Variants in KLHL8 observed in about 807,000 individuals in gnomAD.
KLHL8 encodes the protein kelch-like protein 8.
KLHL8 carries 38 observed loss-of-function variants against 63.5 expected under a neutral mutation model. The observed-to-expected ratio is 0.60, with a 90% CI of 0.46 to 0.78. KLHL8 has a LOEUF of 0.78. Ranked by LOEUF, KLHL8 falls within the 30% of genes least tolerant of loss-of-function variation. The pLI is 0.00. For missense variants in KLHL8, 566 were observed against 752.4 expected, an observed-to-expected ratio of 0.75 and a Z score of 2.90; for synonymous variants, 224 against 254.3, an observed-to-expected ratio of 0.88 and a Z score of 1.13.
At chr4:87,236,649 TATCTGTACTGTGTC>T (rs1733235615) in intron 1 of KLHL8, among the ~76,000 whole-genome samples, 2 of 150,260 alleles carry the variant, frequency 1.3e-5, no homozygotes, top group Non-Finnish European at 3.0e-5. Flanking sequence ...TCATTTAATT[TATCTGTACTGTGTC>T]TTTTTTTTTT....
intron 6 of KLHL8, among the ~76,000 whole-genome samples, chr4:87,173,215 C>A (rs762415705): frequency 6.6e-6 from 1 of 152,164 alleles, no homozygotes; most frequent in Non-Finnish European, 1.5e-5. Context: ...AATGGGACTT[C>A]ATTAAGATGT....
Position 87,189,873 on chromosome 4 carries a change from CA to C in KLHL8, c.217-4075del, listed in dbSNP as rs200198869. Among the ~76,000 whole-genome samples, 878 of 142,212 alleles carry C rather than the reference CA, an allele frequency of 6.2e-3. 7 individuals are homozygous for C. Among genetic ancestry groups the C allele is most frequent in the African/African-American group, 0.021 (801 of 39,034 alleles). 93.3% of individuals were successfully genotyped at this position (142,212 alleles called of 152,430 possible). A position where few individuals can be genotyped will look rare whatever the true frequency, so the allele number is the denominator to read the frequency against. On this transcript the variant is annotated intron_variant, in intron 2 of 9. Transcript: ENST00000273963. ...TGAAACCCCGTCTATACTGAAAATA[CA>C]AAAAAAAAAATTAGCCGGGCATGGT...
At chr4:87,224,240 G>A (rs538510550), upstream of KLHL8, among the ~76,000 whole-genome samples, 6 of 152,028 alleles carry the variant, frequency 3.9e-5, no homozygotes. Context: ...ATGAGCCACC[G>A]CGCCGGCCAA....
At chr4:87,217,263 C>A (rs1385944032) in intron 1 of KLHL8, among the ~76,000 whole-genome samples, 1 of 150,788 alleles carries the variant, frequency 6.6e-6, no homozygotes, top group Non-Finnish European at 1.5e-5. Flanking sequence ...AAGACATAGT[C>A]AAGTGAATTT....
chr4:87,237,007 C>T (rs545486907), intron 1 of KLHL8, among the ~76,000 whole-genome samples: 69 of 152,300 alleles, frequency 4.5e-4, no homozygotes, highest in Non-Finnish European at 6.2e-4. Flanking sequence ...ATCTCAAACA[C>T]TTTGACAGCG....
intron 1 of KLHL8, among the ~76,000 whole-genome samples, chr4:87,226,317 C>G (rs1421747641): frequency 3.9e-4 from 60 of 151,986 alleles, no homozygotes; most frequent in Non-Finnish European, 1.5e-5. Context: ...AATCCCAGCA[C>G]TTTGGGAAGC....
intron 2 of KLHL8, among the ~76,000 whole-genome samples, chr4:87,187,962 A>G (rs1452137762): frequency 6.6e-6 from 1 of 152,230 alleles, no homozygotes; most frequent in Non-Finnish European, 1.5e-5. Context: ...AAATGTATAA[A>G]TGGTTTTGCT....
chr4:87,168,720 A>G (rs113326519), intron 8 of KLHL8, among the ~76,000 whole-genome samples: 16 of 140,888 alleles, frequency 1.1e-4, no homozygotes, highest in African/African-American at 4.1e-4. Flanking sequence ...GTATATATAT[A>G]CGTATATATA....
At chr4:87,195,223 A>C in intron 2 of KLHL8, 101 bp downstream of exon 2, 1 of 812,572 alleles carries the variant, frequency 1.2e-6, no homozygotes. Flanking sequence ...ACTGTATCAA[A>C]TATGTATAGC....
At chr4:87,217,233 T>C (rs1248023667) in intron 1 of KLHL8, among the ~76,000 whole-genome samples, 1 of 129,166 alleles carries the variant, frequency 7.7e-6, no homozygotes, top group East Asian at 2.2e-4. Context: ...ATATAAACCA[T>C]TTTGTTCAGA....
intron 1 of KLHL8, among the ~76,000 whole-genome samples, chr4:87,226,998 A>C (rs1167878572): frequency 6.4e-5 from 6 of 93,074 alleles, no homozygotes; most frequent in African/African-American, 2.3e-4. Context: ...TATATAAATA[A>C]TATATATTAT....
chr4:87,207,677 A>T, intron 1 of KLHL8: 1 of 1,063,510 alleles, frequency 9.4e-7, no homozygotes, highest in Admixed American at 1.8e-5. Context: ...CTGTGGCGTG[A>T]CAGCTGCAGG....
chr4:87,216,160 G>T (rs1245181903), intron 1 of KLHL8, among the ~76,000 whole-genome samples: 7 of 152,184 alleles, frequency 4.6e-5, no homozygotes, highest in Admixed American at 4.6e-4. Flanking sequence ...GGGTGGGGAA[G>T]AAGAGAGGAG....
At chr4:87,234,416 A>G (rs7687666) in intron 1 of KLHL8, among the ~76,000 whole-genome samples, 103,732 of 150,290 alleles carry the variant, frequency 0.69, 36,474 homozygotes, top group East Asian at 0.85. Flanking sequence ...TCAGCCTGGC[A>G]ACAGAGTGAG....
At chr4:87,193,528 TC>T (rs1358914708) in intron 2 of KLHL8, among the ~76,000 whole-genome samples, 24 of 152,212 alleles carry the variant, frequency 1.6e-4, no homozygotes, top group African/African-American at 5.8e-4. Flanking sequence ...GCAATTTTTT[TC>T]TTTTTTTATG....
At chr4:87,164,135 A>G in intron 8 of KLHL8, 56 bp from the exon 9 acceptor site, 1 of 1,413,206 alleles carries the variant, frequency 7.1e-7, no homozygotes, top group Non-Finnish European at 9.9e-7. Flanking sequence ...TTAACTACTA[A>G]ATTTCAATTC....
At chr4:87,207,808 G>T in intron 1 of KLHL8, 2 of 1,033,302 alleles carry the variant, frequency 1.9e-6, no homozygotes, top group Non-Finnish European at 3.0e-6. Flanking sequence ...CAAGGTGTCG[G>T]TCATTAACCT....
chr4:87,164,302 C>T lies in KLHL8; in HGVS notation c.1538-223G>A, dbSNP rs183173990. 3.6e-3 allele frequency among the ~76,000 whole-genome samples: 549 copies of T among 151,750 alleles called. 5 individuals carry two copies. The highest frequency in any genetic ancestry group is 0.021 in the South Asian group (100 of 4,804). ...TAGGTAAGTGACATTTTCCTCAATA[C>T]TAGGATTAAAGATCTTGTAAGTAGG... is the stretch of plus-strand genomic sequence containing the variant. On this transcript the variant is annotated intron_variant, in intron 8 of 9. Transcript: ENST00000273963.
intron 1 of KLHL8, among the ~76,000 whole-genome samples, chr4:87,232,889 T>C (rs1733159066): frequency 6.6e-6 from 1 of 152,280 alleles, no homozygotes; most frequent in Admixed American, 6.5e-5. Flanking sequence ...TTAGGTTTTT[T>C]TTTCCAATTA....
Sources: gnomAD v4.1 joint callset for allele counts (sites outside exome capture counted in the v4.1 genomes callset) on GRCh38, gnomAD v4.1.1 for gene constraint, MANE v1.5 for transcripts, NCBI Gene and HGNC (gene_info 2026-07-23, HGNC 2026-07-21) for gene names.